KIAA1671: variants seen among roughly 807,000 people sequenced by gnomAD.
The protein encoded by KIAA1671 is KIAA1671.
KIAA1671 carries 52 observed loss-of-function variants against 131.2 expected under a neutral mutation model. The ratio of observed to expected loss-of-function variants is 0.40; its 90% CI spans 0.32 to 0.50. The LOEUF (loss-of-function observed/expected upper bound fraction) is 0.50. Among genes scored for constraint, KIAA1671 ranks in the 20% least tolerant of loss-of-function variants. The pLI, the probability that KIAA1671 is intolerant of heterozygous loss-of-function variation, is 0.73. For synonymous variants in KIAA1671, 1,003 were observed against 961.6 expected (o/e 1.04, Z -0.80); for missense variants, 2,360 against 2,364.2 (o/e 1.00, Z 0.04).
intron 6 of KIAA1671, among the ~76,000 whole-genome samples, chr22:25,150,132 T>C (rs1464729686): frequency 6.6e-6 from 1 of 152,266 alleles, no homozygotes; most frequent in Non-Finnish European, 1.5e-5. Context: ...CTCAGTGTCC[T>C]GAGCGAGCAC....
At chr22:25,069,216 T>G (rs936772275) in intron 6 of KIAA1671, among the ~76,000 whole-genome samples, 3 of 152,148 alleles carry the variant, frequency 2.0e-5, no homozygotes, top group South Asian at 2.1e-4. Context: ...CTAAACTAGA[T>G]GGTTTGGCAG....
rs1602078329 is a variant in KIAA1671, at chr22:25,028,017, G to C, written c.18G>C (p.Glu6Asp). 1.3e-6 allele frequency: 2 copies of C among 1,502,538 alleles called. No individual in the cohort carries two copies. Among genetic ancestry groups the C allele is most frequent in the East Asian group, 5.0e-5 (2 of 40,320 alleles). The allele number at this position is 1,502,538 out of a possible 1,614,324, so 93.1% of individuals were successfully genotyped here. ...CCATAACCATGGCCACGCGGGTCGA[G>C]GTGGGCTCCATAACGCCCTTGACGG... The part of the protein sequence containing the change: MATRV[E>D]VGSITPLTAV... The change falls in exon 3 of 13, where the codon GAG becomes GAC. Residue 6 changes from glutamate to aspartate, a missense_variant. Physicochemically the swap from Glu to Asp is conservative, Grantham distance 45. Transcript: ENST00000358431.
chr22:25,092,425 A>G (rs1950300187), intron 6 of KIAA1671, among the ~76,000 whole-genome samples: 1 of 152,160 alleles, frequency 6.6e-6, no homozygotes, highest in Admixed American at 6.5e-5. Context: ...AGGGGAAGCA[A>G]GTGGGAGCCT....
At chr22:25,003,966 C>T (rs748339834) in intron 1 of KIAA1671, among the ~76,000 whole-genome samples, 7 of 151,172 alleles carry the variant, frequency 4.6e-5, no homozygotes, top group African/African-American at 1.2e-4. Context: ...TACAGGCGCG[C>T]GCCACCACAC....
chr22:25,016,552 C>G (rs999784864), intron 1 of KIAA1671, among the ~76,000 whole-genome samples: 7 of 152,124 alleles, frequency 4.6e-5, no homozygotes, highest in Admixed American at 2.0e-4. Context: ...AGGGGCTGGC[C>G]CAAAGCCGTC....
At chr22:25,058,641 A>T (rs1927984493) in intron 6 of KIAA1671, 1 of 152,126 alleles carries the variant, frequency 6.6e-6, no homozygotes, top group Non-Finnish European at 1.5e-5. Flanking sequence ...AGAGTAGAAG[A>T]GGAGAAGTAA....
chr22:25,001,808 C>T (rs1924494118), intron 1 of KIAA1671, among the ~76,000 whole-genome samples: 1 of 152,154 alleles, frequency 6.6e-6, no homozygotes, highest in Non-Finnish European at 1.5e-5. Flanking sequence ...GCTGTGTGGT[C>T]CTGTTGGCCC....
At chr22:24,955,182 C>G (rs563871106) in intron 1 of KIAA1671, among the ~76,000 whole-genome samples, 3 of 152,350 alleles carry the variant, frequency 2.0e-5, no homozygotes, top group African/African-American at 7.2e-5. Context: ...CTGACCAACT[C>G]AGAAACAGAG....
At chr22:24,972,004 A>G (rs945819076) in intron 1 of KIAA1671, among the ~76,000 whole-genome samples, 1 of 152,098 alleles carries the variant, frequency 6.6e-6, no homozygotes. Flanking sequence ...TTTCCCTTCT[A>G]CCTGGTCAGG....
At chr22:25,003,731 TA>T (rs1484974619) in intron 1 of KIAA1671, among the ~76,000 whole-genome samples, 2 of 151,634 alleles carry the variant, frequency 1.3e-5, no homozygotes, top group South Asian at 4.2e-4. Context: ...ATAATTTTTG[TA>T]AACATTTTCA....
At chr22:25,127,708 A>C (rs533333508) in intron 6 of KIAA1671, among the ~76,000 whole-genome samples, 2 of 152,332 alleles carry the variant, frequency 1.3e-5, no homozygotes, top group African/African-American at 4.8e-5. Flanking sequence ...GAGATTTTTC[A>C]TATGCTATGT....
chr22:25,124,625 A>C (rs1413509040), intron 6 of KIAA1671, among the ~76,000 whole-genome samples: 1 of 152,240 alleles, frequency 6.6e-6, no homozygotes. Context: ...AGTACCCAGC[A>C]TGATGCCTGG....
At chr22:25,042,615 C>T (rs1183964940) in intron 5 of KIAA1671, among the ~76,000 whole-genome samples, 6 of 151,648 alleles carry the variant, frequency 4.0e-5, no homozygotes, top group South Asian at 2.1e-4. Context: ...TACAGGAGCC[C>T]GCCATCATAC....
intron 6 of KIAA1671, among the ~76,000 whole-genome samples, chr22:25,169,418 C>CA (rs34299474): frequency 0.19 from 22,862 of 117,458 alleles, 3,331 homozygotes; most frequent in African/African-American, 0.42. Flanking sequence ...GACCTTGTCT[C>CA]AAAAAAAAAA....
chr22:25,151,547 G>A (rs115207111), intron 6 of KIAA1671, among the ~76,000 whole-genome samples: 13 of 149,274 alleles, frequency 8.7e-5, no homozygotes, highest in East Asian at 6.0e-4. Context: ...TTCTCATGCC[G>A]CAGCCTCTCC....
Position 24,978,998 on chromosome 22 carries a change from A to AT in KIAA1671, c.-208+26241dup, listed in dbSNP as rs200245806. Among the ~76,000 whole-genome samples, 798 of 125,274 alleles carry AT rather than the reference A, an allele frequency of 6.4e-3. 5 individuals carry two copies. Among genetic ancestry groups the AT allele is most frequent in the South Asian group, 0.015 (61 of 4,014 alleles). The allele number at this position is 125,274 out of a possible 152,430, so 82.2% of individuals were successfully genotyped here. On this transcript the variant is annotated intron_variant, in intron 1 of 12. Transcript: ENST00000358431. ...CCACACCCAGCCAATCATCTTAATC[A>AT]TTTTTTTTTTTTTTTGAGACAGAGT...
chr22:25,182,184 A>AAAAAACAG (rs1934307981), intron 10 of KIAA1671, among the ~76,000 whole-genome samples: 1 of 151,074 alleles, frequency 6.6e-6, no homozygotes, highest in Admixed American at 6.6e-5. Flanking sequence ...ATCTCAAAAA[A>AAAAAACAG]AAAACAAAAA....
chr22:25,039,462 A>C lies in KIAA1671; in HGVS notation c.2332A>C (p.Thr778Pro). 1.3e-6 allele frequency: 2 copies of C among 1,551,704 alleles called. No homozygotes were observed. The highest frequency in any genetic ancestry group is 1.7e-6 in the Non-Finnish European group (2 of 1,147,002). The change falls in exon 5 of 13, where the codon ACC becomes CCC. Residue 778 changes from threonine to proline, a missense_variant. By Grantham distance (38) the Thr-to-Pro change is conservative (BLOSUM62 -1). Around this residue, in one of 3 missense-constraint regions of KIAA1671, gnomAD observed 1,185 missense variants for 1,126.2 expected, o/e 1.05. Coordinates refer to ENST00000358431, the MANE Select transcript of KIAA1671 (RefSeq NM_001145206.2). ...GGACAGGCAGCTGTCCCAGGAGGTC[A>C]CCCCTGCTGACCTGGAGTGTGGTTT... ...LKDRQLSQEVTPADLECGLEG... is the reference protein window; with the variant it reads ...LKDRQLSQEVPPADLECGLEG...
chr22:25,008,764 G>T (rs1924878475), intron 1 of KIAA1671, among the ~76,000 whole-genome samples: 1 of 152,316 alleles, frequency 6.6e-6, no homozygotes, highest in Non-Finnish European at 1.5e-5. Flanking sequence ...CTTTCCCAGG[G>T]CCCAGCACTT....
Sources: gnomAD v4.1 joint callset for allele counts (sites outside exome capture counted in the v4.1 genomes callset) on GRCh38, gnomAD v4.1.1 for gene constraint, gnomAD v4.1.1 regional missense constraint, MANE v1.5 for transcripts, NCBI Gene and HGNC (gene_info 2026-07-23, HGNC 2026-07-21) for gene names.